SLC45A4: variants seen among roughly 807,000 people sequenced by gnomAD.
SLC45A4 encodes the protein solute carrier family 45 member 4, also known as polyamine-transporter SLC45A4.
In SLC45A4, 32 loss-of-function variants were observed where a neutral mutation model predicts 63.7. That is an observed-to-expected ratio of 0.50 (90% CI 0.38 to 0.67). The LOEUF (loss-of-function observed/expected upper bound fraction) is 0.67. Among genes scored for constraint, SLC45A4 ranks in the 30% least tolerant of loss-of-function variants. The pLI is 0.00. For synonymous variants in SLC45A4, 535 were observed against 510.0 expected, an observed-to-expected ratio of 1.05 and a Z score of -0.66; for missense variants, 1,027 against 1,157.7, an observed-to-expected ratio of 0.89 and a Z score of 1.64.
chr8:141,243,096 G>A (rs141649705), intron 2 of SLC45A4, among the ~76,000 whole-genome samples: 39 of 152,320 alleles, frequency 2.6e-4, no homozygotes, highest in African/African-American at 8.7e-4. Flanking sequence ...CACACTGTCA[G>A]TCCCCCTCTG....
Position 141,215,402 on chromosome 8 carries a change from C to T in SLC45A4, c.1941+357G>A, listed in dbSNP as rs1826079828. On this transcript the variant is annotated intron_variant, in intron 7 of 8. Transcript: ENST00000517878. This position sits in a 1 kb window ranked among gnomAD's most constrained non-coding sequence, Gnocchi z 4.3. ...GTGGCCGCCAGGAAGTCTAGGCATA[C>T]CTGGGTGGCTTTCCTCCCATCCAAG... Among the ~76,000 whole-genome samples the T allele has an allele frequency of 6.6e-6, 1 of 152,208 alleles. No homozygotes were observed. The highest frequency in any genetic ancestry group is 2.4e-5 in the African/African-American group (1 of 41,438).
intron 3 of SLC45A4, 136 bp downstream of exon 3, chr8:141,221,441 G>T: frequency 8.9e-7 from 1 of 1,123,402 alleles, no homozygotes; most frequent in Non-Finnish European, 1.2e-6. Context: ...CCGCCAGGGT[G>T]GCCCCGGCAG....
chr8:141,216,134 C>T (rs1041364660), intron 6 of SLC45A4, among the ~76,000 whole-genome samples, 164 bp from the exon 7 acceptor site: 2 of 152,012 alleles, frequency 1.3e-5, no homozygotes, highest in Non-Finnish European at 2.9e-5. Flanking sequence ...GCCTCCGGCA[C>T]GTATTTGTAG....
chr8:141,237,068 A>G (rs1301005598), intron 2 of SLC45A4, among the ~76,000 whole-genome samples: 1 of 152,238 alleles, frequency 6.6e-6, no homozygotes, highest in Non-Finnish European at 1.5e-5. Context: ...TCAAATGTGT[A>G]TGGTTCATGT....
At chr8:141,249,347 A>G (rs1487253323) in intron 2 of SLC45A4, among the ~76,000 whole-genome samples, 1 of 152,228 alleles carries the variant, frequency 6.6e-6, no homozygotes. Flanking sequence ...ATGAATGAAA[A>G]CAAATGATGG....
rs374729251 is a variant in SLC45A4, at chr8:141,215,978, G to A, written c.1730-8C>T. ...AGTACTTCTGTAACAGGGCTGCAGA[G>A]AGGGGCACAGGGACAAGGACAGTGG... On this transcript the variant is annotated splice_polypyrimidine_tract_variant and splice_region_variant and intron_variant, in intron 6 of 8. Transcript: ENST00000517878. This position sits in a 1 kb window ranked among gnomAD's most constrained non-coding sequence, Gnocchi z 4.3. 37 of 1,611,674 alleles carry A rather than the reference G, an allele frequency of 2.3e-5. No homozygotes were observed. The highest frequency in any genetic ancestry group is 3.1e-5 in the Non-Finnish European group (36 of 1,179,232).
At chr8:141,253,939 G>C (rs1297925263) in intron 2 of SLC45A4, 50 bp downstream of exon 2, 1 of 1,528,608 alleles carries the variant, frequency 6.5e-7, no homozygotes, top group African/African-American at 1.4e-5. Context: ...CGCCCAGTCC[G>C]CTAGCACTCC....
At chr8:141,307,944 G>A (rs1256617518) in intron 1 of SLC45A4, among the ~76,000 whole-genome samples, 152 bp downstream of exon 1, 1 of 151,166 alleles carries the variant, frequency 6.6e-6, no homozygotes, top group Non-Finnish European at 1.5e-5. Context: ...CCCTCCCCCG[G>A]AGAAGGTGCG....
At chr8:141,222,107 G>GAGC (rs397778179) in intron 2 of SLC45A4, among the ~76,000 whole-genome samples, 1 of 151,214 alleles carries the variant, frequency 6.6e-6, no homozygotes, top group Non-Finnish European at 1.5e-5. Context: ...ACAGGGCTGA[G>GAGC]CCCCTCCACA....
chr8:141,236,772 G>C (rs1169444504), intron 2 of SLC45A4, among the ~76,000 whole-genome samples: 1 of 152,186 alleles, frequency 6.6e-6, no homozygotes, highest in Non-Finnish European at 1.5e-5. Flanking sequence ...ACATGTTTTA[G>C]GGAAATATTA....
intron 1 of SLC45A4, among the ~76,000 whole-genome samples, chr8:141,300,209 C>T (rs530320286): frequency 2.6e-5 from 4 of 152,254 alleles, no homozygotes; most frequent in Non-Finnish European, 5.9e-5. Context: ...CAGAGTTGGG[C>T]GAGTAGCCTG....
chr8:141,216,065 C>CTT (rs1826131127), intron 6 of SLC45A4, 95 bp from the exon 7 acceptor site: 2 of 1,095,222 alleles, frequency 1.8e-6, no homozygotes, highest in Non-Finnish European at 2.7e-6. Flanking sequence ...CCACATCCCC[C>CTT]CGACCTCCAC....
At chr8:141,288,299 A>G (rs745961735) in intron 1 of SLC45A4, among the ~76,000 whole-genome samples, 1 of 152,230 alleles carries the variant, frequency 6.6e-6, no homozygotes, top group Non-Finnish European at 1.5e-5. Context: ...CAAAACACAC[A>G]AACACCAGAA....
chr8:141,299,464 G>A (rs1214987492), intron 1 of SLC45A4, among the ~76,000 whole-genome samples: 2 of 152,212 alleles, frequency 1.3e-5, no homozygotes, highest in African/African-American at 4.8e-5. Context: ...AAGACCACCT[G>A]AGCTGTGGGT....
At position 141,231,594 on chromosome 8, in the gene SLC45A4, C is replaced by T. The variant is rs988512661; in HGVS notation, c.242-9829G>A. 7.9e-5 allele frequency among the ~76,000 whole-genome samples: 12 copies of T among 152,304 alleles called. No homozygotes were observed. The East Asian group carries it at 2.1e-3, about 27-fold the overall frequency. ...ACGGCTGGCACTGCGGGACCCACAC[C>T]GAGTGGTCGGGTCACCTGGCCACCT... is the stretch of plus-strand genomic sequence containing the variant. On this transcript the variant is annotated intron_variant, in intron 2 of 8. Coordinates refer to ENST00000517878, the MANE Select transcript of SLC45A4 (RefSeq NM_001286646.2).
intron 2 of SLC45A4, among the ~76,000 whole-genome samples, chr8:141,246,672 T>A (rs1002193849): frequency 2.7e-5 from 1 of 37,682 alleles, no homozygotes; most frequent in Non-Finnish European, 6.2e-5. Flanking sequence ...ACAGAGGGTA[T>A]CTCAGGGGTC....
chr8:141,214,968 G>A (rs1246681854), intron 7 of SLC45A4, among the ~76,000 whole-genome samples: 1 of 152,194 alleles, frequency 6.6e-6, no homozygotes, highest in Non-Finnish European at 1.5e-5. Context: ...TTGTGGCAAG[G>A]GACGTTCATG....
At chr8:141,292,490 C>T (rs1202690737) in intron 1 of SLC45A4, among the ~76,000 whole-genome samples, 1 of 152,246 alleles carries the variant, frequency 6.6e-6, no homozygotes, top group Admixed American at 6.5e-5. Context: ...ACACAGGCTC[C>T]TCGGGTCCCT....
At chr8:141,221,446 C>T (rs948972096) in intron 3 of SLC45A4, 131 bp downstream of exon 3, 30 of 1,196,950 alleles carry the variant, frequency 2.5e-5, no homozygotes, top group Non-Finnish European at 3.2e-5. Flanking sequence ...AGGGTGGCCC[C>T]GGCAGCCCAG....
Sources: gnomAD v4.1 joint callset for allele counts (sites outside exome capture counted in the v4.1 genomes callset) on GRCh38, gnomAD v4.1.1 for gene constraint, Gnocchi (gnomAD v3.1) non-coding constraint, MANE v1.5 for transcripts, NCBI Gene and HGNC (gene_info 2026-07-23, HGNC 2026-07-21) for gene names.